Variants in BCORL1 observed in about 807,000 individuals in gnomAD.
BCORL1 encodes BCL6 corepressor like 1, also known as BCL-6 corepressor-like protein 1.
A neutral mutation model predicts 87.6 loss-of-function variants in BCORL1; 7 were observed. The ratio of observed to expected loss-of-function variants is 0.08; its 90% CI spans 0.05 to 0.15. BCORL1 has a LOEUF of 0.15. Ranked by LOEUF, BCORL1 falls within the 10% of genes least tolerant of loss-of-function variation. The pLI is 1.00. For synonymous variants in BCORL1, 591 were observed against 634.4 expected, an observed-to-expected ratio of 0.93 and a Z score of 1.03; for missense variants, 1,215 against 1,499.7, an observed-to-expected ratio of 0.81 and a Z score of 3.13.
In BCORL1 at chrX:130,014,378, A is replaced by G. The variant is rs1371275213; in HGVS notation, c.1606A>G (p.Thr536Ala). 26 of 1,209,037 alleles carry G rather than the reference A, an allele frequency of 2.2e-5. No homozygotes were observed. Among genetic ancestry groups the G allele is most frequent in the Non-Finnish European group, 2.8e-5 (25 of 894,965 alleles). ...CTGCACTTCCCCATCCGGTAGCACC[A>G]CCACCCAGCCTGCACCCGATGGGGT... Reference protein sequence around the residue: ...LPCTSPSGSTTTQPAPDGVPG... With the variant: ...LPCTSPSGSTATQPAPDGVPG... Residue 536 changes from threonine to alanine, a missense_variant, in exon 4 of 14, where the codon ACC (threonine) becomes GCC (alanine). Coordinates refer to ENST00000540052, the MANE Select transcript of BCORL1 (RefSeq NM_001379451.1).
In BCORL1 at chrX:130,013,515, C is replaced by A; in HGVS notation, c.743C>A (p.Pro248His). The part of the protein sequence containing the change: ...PVQVATSVPA[P>H]SPPLAPVPAL... ...CAAGTTGCCACTTCGGTTCCAGCTCCTTCCCCTCCCTTAGCACCTGTCCCG... is the reference window on the plus strand; with the variant it reads ...CAAGTTGCCACTTCGGTTCCAGCTCATTCCCCTCCCTTAGCACCTGTCCCG... Residue 248 changes from proline (P) to histidine (H), a missense_variant, in exon 4 of 14, where the codon CCT becomes CAT. Pro to His is a moderately conservative substitution (Grantham distance 77, BLOSUM62 -2). This residue lies in a region of BCORL1 where 861 missense variants were observed against 1,010.0 expected (regional missense o/e 0.85). Coordinates refer to ENST00000540052, the MANE Select transcript of BCORL1 (RefSeq NM_001379451.1). 1 of 1,211,139 alleles carries A rather than the reference C, an allele frequency of 8.3e-7. No homozygotes were observed. Among genetic ancestry groups the A allele is most frequent in the Non-Finnish European group, 1.1e-6 (1 of 895,322 alleles).
intron 12 of BCORL1, 48 bp downstream of exon 12, chrX:130,050,842 G>A (rs765048207): frequency 9.3e-7 from 1 of 1,078,198 alleles, no homozygotes. Context: ...AAGGACAGGA[G>A]TAGCCCTGTG....
At position 130,051,591 on chromosome X, in the gene BCORL1, G is replaced by A. The variant is rs750028379; in HGVS notation, c.4919-269G>A. Among the ~76,000 whole-genome samples the A allele has an allele frequency of 9.8e-5, 11 of 112,504 alleles. No individual in the cohort carries two copies. The Admixed American group carries it at 1.0e-3, about 11-fold the overall frequency. Reference sequence around the variant, plus strand: ...AACAGCTGAGCAGCTCATCCTTGACGTCACCTTGCTTTTGCCAGTTGGAGG... The same window carrying A: ...AACAGCTGAGCAGCTCATCCTTGACATCACCTTGCTTTTGCCAGTTGGAGG... On this transcript the variant is annotated intron_variant, in intron 12 of 13. Transcript: ENST00000540052.
intron 1 of BCORL1, among the ~76,000 whole-genome samples, chrX:130,002,799 A>G (rs185766985): frequency 9.4e-6 from 1 of 105,857 alleles, no homozygotes. Context: ...AGAGATGGGT[A>G]GGGGGATGAG....
chrX:130,009,538 T>TG (rs1928796151), intron 2 of BCORL1, among the ~76,000 whole-genome samples: 1 of 108,959 alleles, frequency 9.2e-6, no homozygotes, highest in Non-Finnish European at 1.9e-5. Flanking sequence ...TGGGGTACTG[T>TG]GGGACTCGAA....
intron 1 of BCORL1, among the ~76,000 whole-genome samples, chrX:129,989,033 G>A (rs1161342569): frequency 8.9e-6 from 1 of 111,843 alleles, no homozygotes; most frequent in Non-Finnish European, 1.9e-5. Context: ...TCAAACTTGA[G>A]CTCCTCAGAA....
intron 11 of BCORL1, among the ~76,000 whole-genome samples, chrX:130,043,776 A>ATTT (rs1325474260): frequency 1.4e-4 from 3 of 21,431 alleles, no homozygotes; most frequent in African/African-American, 1.1e-3. Flanking sequence ...ATATATATAT[A>ATTT]TATATATATT....
At chrX:129,997,547 A>G (rs1290741121) in intron 1 of BCORL1, among the ~76,000 whole-genome samples, 1 of 110,143 alleles carries the variant, frequency 9.1e-6, no homozygotes, top group Non-Finnish European at 1.9e-5. Context: ...TAATCCCAGT[A>G]CTTTTGGAAG....
chrX:130,055,669 T>C (rs1254400525), intron 13 of BCORL1, among the ~76,000 whole-genome samples, 185 bp from the exon 14 acceptor site: 1 of 112,432 alleles, frequency 8.9e-6, no homozygotes. Flanking sequence ...GGAGAAGACA[T>C]TTGCCTCAGC....
intron 7 of BCORL1, 138 bp from the exon 8 acceptor site, chrX:130,028,497 A>G (rs1283521699): frequency 9.6e-6 from 5 of 522,716 alleles, no homozygotes; most frequent in Non-Finnish European, 1.7e-5. Flanking sequence ...ACAGCACTAG[A>G]TATCGATAGC....
upstream of BCORL1, chrX:129,981,788 G>C (rs1226091935): frequency 1.9e-5 from 2 of 106,873 alleles, no homozygotes; most frequent in African/African-American, 3.4e-5. Context: ...ATACTGGTGG[G>C]TAGGGGCCCA....
At chrX:130,027,363 C>T (rs1046423447) in intron 7 of BCORL1, among the ~76,000 whole-genome samples, 2 of 112,767 alleles carry the variant, frequency 1.8e-5, no homozygotes, top group African/African-American at 6.4e-5. Context: ...GCCCCACTAG[C>T]GGGCTGAGGC....
intron 11 of BCORL1, among the ~76,000 whole-genome samples, chrX:130,049,987 C>T (rs777448281): frequency 9.0e-6 from 1 of 111,293 alleles, no homozygotes; most frequent in African/African-American, 3.3e-5. Flanking sequence ...TGGGGAGTGG[C>T]GAATTGGAGC....
At chrX:130,012,905 C>G (rs373755234) in intron 3 of BCORL1, 45 bp from the exon 4 acceptor site, 11 of 1,164,814 alleles carry the variant, frequency 9.4e-6, no homozygotes, top group Non-Finnish European at 1.3e-5. Flanking sequence ...CTTGCACCAT[C>G]TGCAGGGAGC....
Position 129,989,757 on chromosome X carries a change from G to A in BCORL1, c.-45+6995G>A, listed in dbSNP as rs560440472. On this transcript the variant is annotated intron_variant, in intron 1 of 13. Transcript: ENST00000540052. ...GTTGGGATTACAGGCATGAGCCACC[G>A]TGCCAGGTCTTCACTTAACTCTCTT... 1.6e-4 allele frequency among the ~76,000 whole-genome samples: 16 copies of A among 102,542 alleles called. No homozygotes were observed. The South Asian group carries it at 5.4e-3, about 34-fold the overall frequency. 89.0% of individuals were successfully genotyped at this position (102,542 alleles called of 115,157 possible). A position where few individuals can be genotyped will look rare whatever the true frequency, so the allele number is the denominator to read the frequency against.
At chrX:130,028,912 GA>G in intron 8 of BCORL1, 51 bp downstream of exon 8, 1 of 244,407 alleles carries the variant, frequency 4.1e-6, no homozygotes, top group East Asian at 1.3e-4. Flanking sequence ...CGGGGGGTCA[GA>G]GGAGGCAGGA....
chrX:130,036,628 G>A (rs1025194274), intron 9 of BCORL1, among the ~76,000 whole-genome samples: 1 of 112,468 alleles, frequency 8.9e-6, no homozygotes, highest in Admixed American at 9.4e-5. Context: ...TGGTCCTGCC[G>A]AGACGTGCAT....
intron 2 of BCORL1, among the ~76,000 whole-genome samples, chrX:130,007,961 T>C (rs1463708989): frequency 9.0e-6 from 1 of 111,387 alleles, no homozygotes; most frequent in Non-Finnish European, 1.9e-5. Flanking sequence ...TCTTGCTCTG[T>C]TGCTCAGGCT....
chrX:130,017,236 A>G (rs1267015017), intron 4 of BCORL1, among the ~76,000 whole-genome samples: 1 of 110,774 alleles, frequency 9.0e-6, no homozygotes, highest in African/African-American at 3.3e-5. Flanking sequence ...TCACCCAGGG[A>G]CTGCAGGTTA....
Sources: gnomAD v4.1 joint callset for allele counts (sites outside exome capture counted in the v4.1 genomes callset) on GRCh38, gnomAD v4.1.1 for gene constraint, gnomAD v4.1.1 regional missense constraint, MANE v1.5 for transcripts, NCBI Gene and HGNC (gene_info 2026-07-23, HGNC 2026-07-21) for gene names.